Variants in TENM4 observed in about 807,000 individuals in gnomAD.
TENM4 encodes teneurin transmembrane protein 4.
Under a neutral mutation model 243.3 loss-of-function variants are expected in TENM4, and 82 were observed. The ratio of observed to expected loss-of-function variants is 0.34; its 90% CI spans 0.28 to 0.40. The LOEUF (loss-of-function observed/expected upper bound fraction) is 0.40, where lower values mean the gene tolerates loss of function less well. TENM4 is among the 10% of genes least tolerant of loss of function. TENM4 has a pLI of 1.00. For synonymous variants in TENM4, 1,412 were observed against 1,456.3 expected (o/e 0.97, Z 0.69); for missense variants, 3,138 against 3,673.3 (o/e 0.85, Z 3.77).
At chr11:78,939,340 A>G (rs1565135302) in intron 6 of TENM4, among the ~76,000 whole-genome samples, 1 of 152,216 alleles carries the variant, frequency 6.6e-6, no homozygotes, top group Non-Finnish European at 1.5e-5. Context: ...AATCACGCTC[A>G]AACTTTACAG....
At chr11:79,009,524 G>T (rs1305937917) in intron 6 of TENM4, among the ~76,000 whole-genome samples, 1 of 152,156 alleles carries the variant, frequency 6.6e-6, no homozygotes, top group African/African-American at 2.4e-5. Context: ...CCATTTGTGA[G>T]GGGTTTGGCC....
At chr11:78,867,915 A>T (rs2136234715) in intron 9 of TENM4, among the ~76,000 whole-genome samples, 1 of 152,192 alleles carries the variant, frequency 6.6e-6, no homozygotes, top group East Asian at 1.9e-4. Flanking sequence ...TTTTAAATAG[A>T]AGATAAAGCC....
intron 2 of TENM4, among the ~76,000 whole-genome samples, chr11:79,264,596 G>A (rs1040431868): frequency 2.0e-5 from 3 of 152,078 alleles, no homozygotes; most frequent in Non-Finnish European, 4.4e-5. Flanking sequence ...AAACATCAGT[G>A]GGTTGGGATT....
At chr11:78,668,468 A>G (rs1858216075) in intron 32 of TENM4, among the ~76,000 whole-genome samples, 1 of 152,168 alleles carries the variant, frequency 6.6e-6, no homozygotes, top group Non-Finnish European at 1.5e-5. Flanking sequence ...TCCCAAATTG[A>G]GAACTAATTT....
At chr11:78,787,126 T>A in intron 15 of TENM4, 43 bp from the exon 16 acceptor site, 1 of 1,507,162 alleles carries the variant, frequency 6.6e-7, no homozygotes. Context: ...AGGGCCAGGA[T>A]GGGAGGCAGT....
At chr11:79,190,804 T>A (rs1439515412) in intron 3 of TENM4, among the ~76,000 whole-genome samples, 1 of 111,360 alleles carries the variant, frequency 9.0e-6, no homozygotes, top group Non-Finnish European at 1.8e-5. Flanking sequence ...TCCCTCTCCC[T>A]CTCCCGTCTC....
chr11:78,972,273 T>TCTTA (rs1857560592), intron 6 of TENM4, among the ~76,000 whole-genome samples: 1 of 152,102 alleles, frequency 6.6e-6, no homozygotes, highest in Non-Finnish European at 1.5e-5. Context: ...ATCTTGTGGG[T>TCTTA]CTTACTCCCC....
chr11:78,913,455 T>A (rs2136358631), intron 6 of TENM4, among the ~76,000 whole-genome samples: 1 of 152,318 alleles, frequency 6.6e-6, no homozygotes, highest in South Asian at 2.1e-4. Context: ...GGGAAAGCTT[T>A]CTGGCTGTCA....
At chr11:79,379,764 C>A (rs1395468527) in intron 1 of TENM4, among the ~76,000 whole-genome samples, 2 of 152,182 alleles carry the variant, frequency 1.3e-5, no homozygotes, top group African/African-American at 4.8e-5. Context: ...AGAGCCCATA[C>A]ACCACACTGC....
chr11:78,708,125 A>C (rs894754463), intron 27 of TENM4, among the ~76,000 whole-genome samples: 114 of 152,234 alleles, frequency 7.5e-4, no homozygotes, highest in African/African-American at 2.7e-3. Flanking sequence ...AGGTTTCCTT[A>C]GGGAGATTTC....
intron 6 of TENM4, among the ~76,000 whole-genome samples, chr11:79,004,275 T>G (rs937798169): frequency 1.3e-5 from 2 of 152,186 alleles, no homozygotes; most frequent in Non-Finnish European, 2.9e-5. Context: ...CTGAATTCAA[T>G]GCTTGACCAA....
At chr11:79,278,520 C>G (rs1467091617) in intron 2 of TENM4, among the ~76,000 whole-genome samples, 1 of 152,182 alleles carries the variant, frequency 6.6e-6, no homozygotes, top group Non-Finnish European at 1.5e-5. Context: ...CCGCTGAGAA[C>G]CTCTTGAAAG....
chr11:78,985,660 A>C (rs1857900616), intron 6 of TENM4, among the ~76,000 whole-genome samples: 1 of 152,216 alleles, frequency 6.6e-6, no homozygotes, highest in African/African-American at 2.4e-5. Context: ...CTGTACGTTA[A>C]AGAAGTTAAC....
chr11:79,310,966 G>A (rs1474227739), intron 1 of TENM4, among the ~76,000 whole-genome samples: 1 of 152,164 alleles, frequency 6.6e-6, no homozygotes, highest in Non-Finnish European at 1.5e-5. Context: ...TTACATTTCT[G>A]TGTTACCCCT....
chr11:78,660,007 T>G (rs1857990906), intron 33 of TENM4, among the ~76,000 whole-genome samples: 1 of 152,246 alleles, frequency 6.6e-6, no homozygotes. Context: ...TCTCCGATGC[T>G]TGCCAAGGGC....
At chr11:78,889,595 G>C (rs1855617038) in intron 9 of TENM4, among the ~76,000 whole-genome samples, 190 bp downstream of exon 9, 1 of 152,232 alleles carries the variant, frequency 6.6e-6, no homozygotes, top group South Asian at 2.1e-4. Context: ...AGAGGAAAGA[G>C]AGGAGGGCCC....
intron 7 of TENM4, among the ~76,000 whole-genome samples, chr11:78,895,186 A>G (rs765654306): frequency 2.6e-5 from 4 of 151,622 alleles, no homozygotes; most frequent in Non-Finnish European, 4.4e-5. Flanking sequence ...TTACAAGAAA[A>G]TTAGCTAGGC....
At chr11:78,674,642 C>T (rs1365506410) in intron 30 of TENM4, among the ~76,000 whole-genome samples, 1 of 151,260 alleles carries the variant, frequency 6.6e-6, no homozygotes, top group Non-Finnish European at 1.5e-5. Context: ...GCCTCAGAGG[C>T]GCATGCAGGA....
chr11:78,736,223 G>A (rs991620508), intron 20 of TENM4, among the ~76,000 whole-genome samples: 2 of 152,030 alleles, frequency 1.3e-5, no homozygotes, highest in East Asian at 1.9e-4. Context: ...TGATCCTTAC[G>A]CCGTGGCCTC....
Sources: allele counts gnomAD v4.1 joint callset (sites outside exome capture counted in the v4.1 genomes callset), GRCh38; gene constraint gnomAD v4.1.1; transcripts MANE v1.5; gene names NCBI Gene and HGNC (gene_info 2026-07-23, HGNC 2026-07-21).